RABGAP1L: variants seen among roughly 807,000 people sequenced by gnomAD.
The protein encoded by RABGAP1L is RAB GTPase activating protein 1 like.
Under a neutral mutation model 137.7 loss-of-function variants are expected in RABGAP1L, and 63 were observed. The observed-to-expected ratio is 0.46, with a 90% CI of 0.37 to 0.56. RABGAP1L has a LOEUF of 0.56. Among genes scored for constraint, RABGAP1L ranks in the 20% least tolerant of loss-of-function variants. RABGAP1L has a pLI of 0.00. For synonymous variants in RABGAP1L, 431 were observed against 433.7 expected (o/e 0.99, Z 0.08); for missense variants, 1,095 against 1,244.0 (o/e 0.88, Z 1.80).
intron 1 of RABGAP1L, among the ~76,000 whole-genome samples, chr1:174,203,363 A>C (rs1480279056): frequency 6.6e-6 from 1 of 152,188 alleles, no homozygotes; most frequent in Admixed American, 6.5e-5. Context: ...TTTATTGAAC[A>C]GGGAGTCTTT....
At chr1:174,258,718 T>A (rs1317014907) in intron 7 of RABGAP1L, among the ~76,000 whole-genome samples, 2 of 152,212 alleles carry the variant, frequency 1.3e-5, no homozygotes, top group African/African-American at 4.8e-5. Flanking sequence ...ATAAAATTTA[T>A]CATTAAAAAA....
At chr1:174,613,543 G>A (rs140586354) in intron 13 of RABGAP1L, among the ~76,000 whole-genome samples, 16,302 of 152,210 alleles carry the variant, frequency 0.11, 985 homozygotes, top group East Asian at 0.22. Flanking sequence ...GTTGATTTGG[G>A]GTGGAGAGTT....
At chr1:174,780,584 T>G (rs1686906726) in intron 18 of RABGAP1L, among the ~76,000 whole-genome samples, 1 of 149,310 alleles carries the variant, frequency 6.7e-6, no homozygotes. Flanking sequence ...ATATTTTTAT[T>G]ATACTTTAAG....
intron 13 of RABGAP1L, among the ~76,000 whole-genome samples, chr1:174,634,953 C>T (rs1362223044): frequency 1.4e-5 from 2 of 147,332 alleles, no homozygotes; most frequent in Non-Finnish European, 3.0e-5. Context: ...TTAGTGGGTG[C>T]AGCGCACCAG....
intron 17 of RABGAP1L, among the ~76,000 whole-genome samples, chr1:174,743,580 CT>C (rs1473974275): frequency 6.6e-6 from 1 of 152,102 alleles, no homozygotes; most frequent in African/African-American, 2.4e-5. Context: ...AACAAACCCC[CT>C]ATGTCACAAG....
chr1:174,814,477 G>A (rs1017435286), intron 19 of RABGAP1L, among the ~76,000 whole-genome samples: 2 of 152,054 alleles, frequency 1.3e-5, no homozygotes, highest in African/African-American at 4.8e-5. Flanking sequence ...ACTGAAAGAA[G>A]GAAGACATAA....
At chr1:174,944,852 T>C (rs1263411667) in intron 19 of RABGAP1L, among the ~76,000 whole-genome samples, 5 of 152,212 alleles carry the variant, frequency 3.3e-5, no homozygotes, top group Non-Finnish European at 7.3e-5. Flanking sequence ...GGTTGTCTTA[T>C]ACATTAGTTT....
At chr1:174,418,650 C>A (rs750937837) in intron 13 of RABGAP1L, among the ~76,000 whole-genome samples, 5 of 152,156 alleles carry the variant, frequency 3.3e-5, no homozygotes, top group African/African-American at 7.2e-5. Flanking sequence ...CAGGGGCACT[C>A]CAAGCAATTT....
At chr1:174,491,329 G>A (rs375423019) in intron 13 of RABGAP1L, among the ~76,000 whole-genome samples, 21 of 152,060 alleles carry the variant, frequency 1.4e-4, no homozygotes, top group African/African-American at 2.9e-4. Flanking sequence ...AAGTCAATGC[G>A]TTCCCTTCTG....
intron 13 of RABGAP1L, among the ~76,000 whole-genome samples, chr1:174,465,746 T>G (rs959049690): frequency 2.6e-5 from 4 of 152,194 alleles, no homozygotes; most frequent in African/African-American, 9.7e-5. Flanking sequence ...GAACTTTGGT[T>G]TACAAATATC....
chr1:174,878,887 TA>T (rs1269848605), intron 19 of RABGAP1L, among the ~76,000 whole-genome samples: 2 of 150,190 alleles, frequency 1.3e-5, no homozygotes, highest in African/African-American at 4.9e-5. Flanking sequence ...AGGTATTTAA[TA>T]ATGATATTAA....
At chr1:174,195,574 ATTCT>A (rs201213056) in intron 1 of RABGAP1L, among the ~76,000 whole-genome samples, 3,885 of 74,290 alleles carry the variant, frequency 0.052, 368 homozygotes, top group Non-Finnish European at 0.069. Context: ...TTCTTAATCA[ATTCT>A]TTCTTTCTTT....
chr1:174,222,008 T>G, intron 3 of RABGAP1L, among the ~76,000 whole-genome samples: 1 of 151,860 alleles, frequency 6.6e-6, no homozygotes, highest in Non-Finnish European at 1.5e-5. Flanking sequence ...TTTTTTTTTT[T>G]TTGTAGTGAT....
chr1:174,804,198 AC>A (rs377407361), intron 18 of RABGAP1L, among the ~76,000 whole-genome samples: 146 of 151,198 alleles, frequency 9.7e-4, no homozygotes, highest in African/African-American at 3.2e-3. Context: ...AGGAGGAGAA[AC>A]TTTGACTTTG....
intron 18 of RABGAP1L, among the ~76,000 whole-genome samples, chr1:174,766,436 C>A (rs544412727): frequency 1.3e-5 from 2 of 152,306 alleles, no homozygotes; most frequent in East Asian, 3.9e-4. Context: ...TCTGGAGTCT[C>A]TATTCCCTTA....
intron 18 of RABGAP1L, among the ~76,000 whole-genome samples, chr1:174,789,750 TAATATTTCAAAGTGAA>T (rs906300098): frequency 2.6e-5 from 4 of 152,228 alleles, no homozygotes; most frequent in Non-Finnish European, 5.9e-5. Flanking sequence ...TGTAAAATTA[TAATATTTCAAAGTGAA>T]AATGAATGAA....
At chr1:174,293,640 C>T (rs1676839334) in intron 10 of RABGAP1L, among the ~76,000 whole-genome samples, 1 of 152,042 alleles carries the variant, frequency 6.6e-6, no homozygotes, top group Non-Finnish European at 1.5e-5. Flanking sequence ...ATGAAGAGGG[C>T]ATTTCTACTT....
At chr1:174,473,712 C>A (rs1453018137) in intron 13 of RABGAP1L, among the ~76,000 whole-genome samples, 1 of 152,144 alleles carries the variant, frequency 6.6e-6, no homozygotes, top group African/African-American at 2.4e-5. Context: ...CCAACCACAT[C>A]TTGTTTAGAA....
At chr1:174,502,954 A>G (rs1661461544) in intron 13 of RABGAP1L, among the ~76,000 whole-genome samples, 1 of 152,196 alleles carries the variant, frequency 6.6e-6, no homozygotes, top group African/African-American at 2.4e-5. Flanking sequence ...AGATATAATG[A>G]TATTAGGGTA....
Sources: gnomAD v4.1 joint callset for allele counts (sites outside exome capture counted in the v4.1 genomes callset) on GRCh38, gnomAD v4.1.1 for gene constraint, MANE v1.5 for transcripts, NCBI Gene and HGNC (gene_info 2026-07-23, HGNC 2026-07-21) for gene names.